The following GSDME variants were observed in gnomAD, a reference collection of about 807,000 sequenced individuals.
The protein encoded by GSDME is gasdermin-E.
Under a neutral mutation model 47.5 loss-of-function variants are expected in GSDME, and 44 were observed. The observed-to-expected ratio is 0.93, with a 90% CI of 0.73 to 1.19. The LOEUF is 1.19. GSDME is among the 50% of genes most tolerant of loss of function. The probability of loss-of-function intolerance (pLI) is 0.00; values close to 1 mark genes in which losing one functional copy is unlikely to be tolerated. For synonymous variants in GSDME, 258 were observed against 252.8 expected (o/e 1.02, Z -0.20); for missense variants, 663 against 604.2 (o/e 1.10, Z -1.02).
chr7:24,763,159 C>A, the GSDME span, among the ~76,000 whole-genome samples: 1 of 152,176 alleles, frequency 6.6e-6, no homozygotes, highest in South Asian at 2.1e-4. The surrounding 1 kb of genome is among the most constrained non-coding windows in gnomAD (Gnocchi z 4.3). Flanking sequence ...CAAGCACTTA[C>A]ATCACATAGC....
upstream of GSDME, among the ~76,000 whole-genome samples, chr7:24,759,899 T>C (rs148983625): frequency 3.9e-5 from 6 of 152,342 alleles, no homozygotes; most frequent in Admixed American, 3.9e-4. Context: ...GTGCTTATTA[T>C]TATTGTTAAA....
At chr7:24,718,204 G>A (rs1478371358) in intron 4 of GSDME, among the ~76,000 whole-genome samples, 1 of 152,212 alleles carries the variant, frequency 6.6e-6, no homozygotes, top group Non-Finnish European at 1.5e-5. Flanking sequence ...TAAGAGTGCT[G>A]GCCCCAGACC....
chr7:24,748,436 G>C (rs953116845), intron 2 of GSDME, among the ~76,000 whole-genome samples: 4 of 152,090 alleles, frequency 2.6e-5, no homozygotes, highest in African/African-American at 7.2e-5. Context: ...GGGATTACAG[G>C]CATGAGCCAC....
At chr7:24,786,438 G>GA in the GSDME span, among the ~76,000 whole-genome samples, 29 of 152,318 alleles carry the variant, frequency 1.9e-4, no homozygotes, top group East Asian at 5.6e-3. The surrounding 1 kb of genome is among the most constrained non-coding windows in gnomAD (Gnocchi z 5.5). Context: ...AGTGAGTTGT[G>GA]AGAGTTTGGT....
intron 3 of GSDME, among the ~76,000 whole-genome samples, chr7:24,740,735 A>G (rs935487931): frequency 6.6e-6 from 1 of 152,180 alleles, no homozygotes; most frequent in African/African-American, 2.4e-5. Context: ...CATGGTCATG[A>G]CATTGCTTTA....
At chr7:24,775,328 GAT>G in the GSDME span, among the ~76,000 whole-genome samples, 10 of 152,292 alleles carry the variant, frequency 6.6e-5, no homozygotes, top group East Asian at 9.6e-4. Context: ...TTAATTTTTT[GAT>G]ATATGTTATT....
At chr7:24,792,314 G>C in the GSDME span, among the ~76,000 whole-genome samples, 1 of 152,194 alleles carries the variant, frequency 6.6e-6, no homozygotes, top group Non-Finnish European at 1.5e-5. Flanking sequence ...TCCACAGAAC[G>C]TTGGACCAAT....
upstream of GSDME, among the ~76,000 whole-genome samples, chr7:24,758,272 G>A (rs1000866326): frequency 6.6e-6 from 1 of 152,226 alleles, no homozygotes; most frequent in African/African-American, 2.4e-5. The surrounding 1 kb of genome is among the most constrained non-coding windows in gnomAD (Gnocchi z 4.6). Flanking sequence ...CCCCGCAGAA[G>A]GCTGCATTGG....
chr7:24,703,320 G>A, intron 8 of GSDME: 1 of 259,476 alleles, frequency 3.9e-6, no homozygotes, highest in Non-Finnish European at 7.5e-6. Context: ...ATCATTTTGG[G>A]GAGGAAAATG....
the GSDME span, among the ~76,000 whole-genome samples, chr7:24,781,699 T>C: frequency 6.7e-6 from 1 of 150,174 alleles, no homozygotes. Context: ...TATTAATTCA[T>C]GTAAAATATC....
Position 24,719,137 on chromosome 7 carries a change from G to C in GSDME, c.486C>G (p.Ile162Met), listed in dbSNP as rs781327973. 1 of 1,613,902 alleles carries C rather than the reference G, an allele frequency of 6.2e-7. No individual in the cohort carries two copies. The highest frequency in any genetic ancestry group is 1.7e-5 in the Admixed American group (1 of 60,026). ...NEVLCVLTQKITTMQKCVISE... is the reference protein window; with the variant it reads ...NEVLCVLTQKMTTMQKCVISE... ...AGATCACACACTTCTGCATCGTCGT[G>C]ATCTTCTGTGTCAAAACGCACAGGA... The change falls in exon 4 of 10, where the codon ATC becomes ATG. Residue 162 changes from isoleucine to methionine, a missense_variant. Physicochemically the swap from Ile to Met is conservative, Grantham distance 10. Transcript: ENST00000645220.
chr7:24,774,303 T>TCTTC, the GSDME span, among the ~76,000 whole-genome samples: 1 of 72,040 alleles, frequency 1.4e-5, no homozygotes, highest in African/African-American at 5.1e-5. Context: ...CTCCCTCCCT[T>TCTTC]CCTCCCTCCC....
rs1790288597 is a variant in GSDME, at chr7:24,735,805, A to AC, written c.404+8756_404+8757insG. The stretch of plus-strand genomic sequence containing the variant: ...TAAATAAATAAATAAATAAATAAAT[A>AC]AAACTACAAAAACTTTTCAAGACAT... On this transcript the variant is annotated intron_variant, in intron 3 of 9. Coordinates refer to ENST00000645220, the MANE Select transcript of GSDME (RefSeq NM_001127453.2). This position sits in a 1 kb window ranked among gnomAD's most constrained non-coding sequence, Gnocchi z 4.4. Among the ~76,000 whole-genome samples, 1 of 146,150 alleles carries AC rather than the reference A, an allele frequency of 6.8e-6. No homozygotes were observed. Among genetic ancestry groups the AC allele is most frequent in the African/African-American group, 2.5e-5 (1 of 39,872 alleles).
intron 2 of GSDME, among the ~76,000 whole-genome samples, chr7:24,747,910 C>CT (rs775172278): frequency 6.6e-6 from 1 of 151,986 alleles, no homozygotes; most frequent in Non-Finnish European, 1.5e-5. Context: ...TCAAGCGATC[C>CT]GCCCACCTCG....
intron 3 of GSDME, among the ~76,000 whole-genome samples, chr7:24,723,042 C>T (rs1343589812): frequency 6.6e-6 from 1 of 152,204 alleles, no homozygotes; most frequent in Non-Finnish European, 1.5e-5. Flanking sequence ...GCAACCAAGG[C>T]AGGGCTGCCG....
chr7:24,771,410 T>C, the GSDME span, among the ~76,000 whole-genome samples: 3 of 152,230 alleles, frequency 2.0e-5, no homozygotes, highest in African/African-American at 7.2e-5. The surrounding 1 kb of genome is among the most constrained non-coding windows in gnomAD (Gnocchi z 4.1). Context: ...TATTGTGTTA[T>C]GTTAGTTAAG....
At position 24,749,459 on chromosome 7, in the gene GSDME, G is replaced by A. The variant is rs1028734668; in HGVS notation, c.211+105C>T. The A allele has an allele frequency of 2.5e-4, 251 of 986,662 alleles. No homozygotes were observed. The highest frequency in any genetic ancestry group is 1.2e-3 in the Middle Eastern group (4 of 3,282). 61.1% of individuals were successfully genotyped at this position (986,662 alleles called of 1,614,324 possible). A position where few individuals can be genotyped will look rare whatever the true frequency, so the allele number is the denominator to read the frequency against. On this transcript the variant is annotated intron_variant, in intron 2 of 9. Transcript: ENST00000645220. The stretch of plus-strand genomic sequence containing the variant: ...AGAGGTTGCAATGGGCCAAGATCAC[G>A]CCACTGCACTCCAGCATGGGCGACA...
Position 24,719,046 on chromosome 7 carries a change from C to G in GSDME, c.576+1G>C, listed in dbSNP as rs1276442361. ...ACGCAGGGCAGCCCGACTGCACGCA[C>G]CTGCACCGTCTTGGTCTGGATGCCC... On this transcript the variant is annotated splice_donor_variant, in intron 4 of 9. Transcript: ENST00000645220. LOFTEE classifies it high-confidence loss of function. 5 of 1,612,200 alleles carry G rather than the reference C, an allele frequency of 3.1e-6. No homozygotes were observed. In the African/African-American group the frequency reaches 6.7e-5, roughly 22 times the overall value.
In GSDME at chr7:24,732,671, C is replaced by T. The variant is rs1175221434; in HGVS notation, c.404+11891G>A. Among the ~76,000 whole-genome samples, 1 of 152,216 alleles carries T rather than the reference C, an allele frequency of 6.6e-6. No homozygotes were observed. The highest frequency in any genetic ancestry group is 2.4e-5 in the African/African-American group (1 of 41,444). ...GTGGGACTTTGCATGGAACTCAGTG[C>T]TGCCAACACCGGGCAGAACTCAGCC... On this transcript the variant is annotated intron_variant, in intron 3 of 9. Transcript: ENST00000645220. The surrounding 1 kb of genome is among the most constrained non-coding windows in gnomAD (Gnocchi z 4.8).
Sources: allele counts gnomAD v4.1 joint callset (sites outside exome capture counted in the v4.1 genomes callset), GRCh38; gene constraint gnomAD v4.1.1; non-coding constraint Gnocchi (gnomAD v3.1); transcripts MANE v1.5; gene names NCBI Gene and HGNC (gene_info 2026-07-23, HGNC 2026-07-21).